The following NRXN1 variants were observed in gnomAD, a reference collection of about 807,000 sequenced individuals.
NRXN1 encodes neurexin 1.
Under a neutral mutation model 150.9 loss-of-function variants are expected in NRXN1, and 39 were observed. That is an observed-to-expected ratio of 0.26 (90% confidence interval 0.20 to 0.34). NRXN1 has a LOEUF of 0.34. Among genes scored for constraint, NRXN1 ranks in the 10% least tolerant of loss-of-function variants. The pLI, the probability that NRXN1 is intolerant of heterozygous loss-of-function variation, is 1.00. For synonymous variants in NRXN1, 924 were observed against 757.0 expected (o/e 1.22, Z -3.62); for missense variants, 1,815 against 1,949.9 (o/e 0.93, Z 1.30).
At chr2:50,834,052 T>C (rs890017052) in intron 5 of NRXN1, among the ~76,000 whole-genome samples, 1 of 152,292 alleles carries the variant, frequency 6.6e-6, no homozygotes, top group Admixed American at 6.5e-5. Context: ...ATACTTAATG[T>C]AAAACTAGTT....
At chr2:50,827,198 G>A (rs1319592903) in intron 5 of NRXN1, among the ~76,000 whole-genome samples, 3 of 152,194 alleles carry the variant, frequency 2.0e-5, no homozygotes, top group East Asian at 1.9e-4. Flanking sequence ...TGTTGAGGTC[G>A]ATGCGTATGA....
intron 5 of NRXN1, among the ~76,000 whole-genome samples, chr2:50,876,823 T>C (rs1574796961): frequency 6.6e-6 from 1 of 151,794 alleles, no homozygotes; most frequent in Non-Finnish European, 1.5e-5. Flanking sequence ...ATTATTCCCA[T>C]CTACCCCAAA....
At chr2:50,727,387 A>G (rs1438155390) in intron 5 of NRXN1, among the ~76,000 whole-genome samples, 1 of 152,192 alleles carries the variant, frequency 6.6e-6, no homozygotes, top group South Asian at 2.1e-4. Flanking sequence ...AAATGCTTCA[A>G]TTATGAAATA....
intron 17 of NRXN1, among the ~76,000 whole-genome samples, chr2:50,242,580 C>T (rs2066114738): frequency 6.6e-6 from 1 of 151,640 alleles, no homozygotes. Context: ...TTAATGGAAT[C>T]AAGTAATGAG....
intron 17 of NRXN1, among the ~76,000 whole-genome samples, chr2:50,399,011 C>A (rs1000751803): frequency 6.6e-6 from 1 of 152,046 alleles, no homozygotes; most frequent in Admixed American, 6.6e-5. Flanking sequence ...CAAATATGTG[C>A]GTGACTATTT....
intron 2 of NRXN1, among the ~76,000 whole-genome samples, chr2:50,993,200 T>C (rs560053339): frequency 1.3e-5 from 2 of 151,902 alleles, no homozygotes; most frequent in African/African-American, 2.4e-5. Flanking sequence ...GAGAAGGTAG[T>C]CATTCAATAT....
intron 5 of NRXN1, among the ~76,000 whole-genome samples, chr2:50,624,443 G>A (rs1680625780): frequency 6.6e-6 from 1 of 151,996 alleles, no homozygotes; most frequent in Non-Finnish European, 1.5e-5. Flanking sequence ...CCATCCAACT[G>A]AGGCATTATT....
At chr2:50,308,932 A>G (rs2074913070) in intron 17 of NRXN1, among the ~76,000 whole-genome samples, 1 of 152,174 alleles carries the variant, frequency 6.6e-6, no homozygotes, top group Non-Finnish European at 1.5e-5. Flanking sequence ...GATAATCGTT[A>G]AGGTTTTGTA....
At chr2:50,548,020 T>A (rs2093532032) in intron 9 of NRXN1, 1 of 152,150 alleles carries the variant, frequency 6.6e-6, no homozygotes, top group African/African-American at 2.4e-5. Context: ...AAATTACACA[T>A]AAAGGTGTTA....
At chr2:50,206,779 A>G (rs1022301403) in intron 18 of NRXN1, among the ~76,000 whole-genome samples, 11 of 151,166 alleles carry the variant, frequency 7.3e-5, no homozygotes, top group African/African-American at 2.4e-4. Context: ...TATAACATAT[A>G]TAGTATATAT....
At chr2:50,878,419 A>T (rs576011647) in intron 5 of NRXN1, among the ~76,000 whole-genome samples, 6 of 151,390 alleles carry the variant, frequency 4.0e-5, no homozygotes, top group African/African-American at 1.5e-4. Context: ...GCCTGACACC[A>T]GAAGGCCCTC....
rs1332251540 is a variant in NRXN1 at position 50,465,477 on chromosome 2, C to T, written c.3329G>A (p.Ser1110Asn). Reference sequence around the variant, plus strand: ...GAGTGGTCCACTGAAGGAAGTCATACTACAGTCACAGCTGAAGCCATCCCA... The same window carrying T: ...GAGTGGTCCACTGAAGGAAGTCATATTACAGTCACAGCTGAAGCCATCCCA... ...QQWDGFSCDC[S>N]MTSFSGPLCN... Residue 1110 changes from serine to asparagine, a missense_variant, in exon 17 of 23, where the codon AGT becomes AAT. Coordinates refer to ENST00000401669, the MANE Select transcript of NRXN1 (RefSeq NM_001330078.2). 2.5e-6 allele frequency: 4 copies of T among 1,610,552 alleles called. No homozygotes were observed. The highest frequency in any genetic ancestry group is 1.7e-5 in the Admixed American group (1 of 59,656).
intron 17 of NRXN1, among the ~76,000 whole-genome samples, chr2:50,376,193 G>C (rs573861515): frequency 4.3e-4 from 66 of 151,844 alleles, no homozygotes; most frequent in Non-Finnish European, 7.5e-4. Flanking sequence ...AAAAAACCTA[G>C]AAAACAGTAT....
chr2:50,883,488 G>C (rs1679765569), intron 5 of NRXN1, among the ~76,000 whole-genome samples: 1 of 151,068 alleles, frequency 6.6e-6, no homozygotes, highest in Non-Finnish European at 1.5e-5. Context: ...TCAAACACTG[G>C]AAAATATCTG....
At chr2:50,698,898 A>G (rs535907170) in intron 5 of NRXN1, among the ~76,000 whole-genome samples, 41 of 152,186 alleles carry the variant, frequency 2.7e-4, no homozygotes, top group Admixed American at 1.0e-3. Context: ...AGCTGTCCAA[A>G]GTAGTCTTTT....
chr2:50,429,667 A>G (rs1339051455), intron 17 of NRXN1, among the ~76,000 whole-genome samples: 1 of 152,018 alleles, frequency 6.6e-6, no homozygotes, highest in African/African-American at 2.4e-5. Flanking sequence ...CTTTTTTTAC[A>G]AAAAAATCCT....
At chr2:49,930,380 AGAGT>A (rs573890059) in intron 22 of NRXN1, among the ~76,000 whole-genome samples, 105 of 152,322 alleles carry the variant, frequency 6.9e-4, no homozygotes, top group Non-Finnish European at 1.3e-3. Context: ...TCTAAAATAC[AGAGT>A]GTGTGTCAAC....
chr2:50,884,949 C>T (rs906877407), intron 5 of NRXN1, among the ~76,000 whole-genome samples: 1 of 151,414 alleles, frequency 6.6e-6, no homozygotes, highest in African/African-American at 2.4e-5. Flanking sequence ...AATTTTTGTT[C>T]TTTGCAAATA....
rs1026322236 is a variant in NRXN1 at position 50,849,752 on chromosome 2, G to A, written c.832+72117C>T. On this transcript the variant is annotated intron_variant, in intron 5 of 22. Coordinates refer to ENST00000401669, the MANE Select transcript of NRXN1 (RefSeq NM_001330078.2). The stretch of plus-strand genomic sequence containing the variant: ...TCCTGTGTGCTATCTTTCTTAGACC[G>A]GAATATAAGATCCTGTAACTATTTT... Among the ~76,000 whole-genome samples the A allele has an allele frequency of 7.0e-4, 106 of 152,072 alleles. 1 individual carries two copies. Among genetic ancestry groups the A allele is most frequent in the African/African-American group, 2.2e-3 (92 of 41,458 alleles).
Sources: allele counts gnomAD v4.1 joint callset (sites outside exome capture counted in the v4.1 genomes callset), GRCh38; gene constraint gnomAD v4.1.1; transcripts MANE v1.5; gene names NCBI Gene and HGNC (gene_info 2026-07-23, HGNC 2026-07-21).